Variants in APBA1 observed in about 807,000 individuals in gnomAD.
APBA1 encodes the protein amyloid beta precursor protein binding family A member 1, also known as amyloid-beta A4 precursor protein-binding family A member 1.
A neutral mutation model predicts 86.6 loss-of-function variants in APBA1; 55 were observed. The observed-to-expected ratio is 0.64, with a 90% CI of 0.51 to 0.80. APBA1 has a LOEUF of 0.80. Among genes scored for constraint, APBA1 ranks in the 30% least tolerant of loss-of-function variants. The pLI is 0.00. For synonymous variants in APBA1, 511 were observed against 493.9 expected (o/e 1.03, Z -0.46); for missense variants, 1,090 against 1,183.0 (o/e 0.92, Z 1.15).
At chr9:69,632,971 C>G (rs79868315) in intron 1 of APBA1, among the ~76,000 whole-genome samples, 19 of 151,810 alleles carry the variant, frequency 1.3e-4, no homozygotes, top group Non-Finnish European at 2.6e-4. Context: ...TCCTCTAGCT[C>G]CCCCCCTGCT....
chr9:69,542,730 A>T (rs4744910), intron 1 of APBA1, among the ~76,000 whole-genome samples: 20,876 of 152,252 alleles, frequency 0.14, 1,755 homozygotes, highest in East Asian at 0.29. Flanking sequence ...AAATTATAGA[A>T]TTTTAATTAT....
chr9:69,512,876 A>G (rs1459880354), intron 2 of APBA1, among the ~76,000 whole-genome samples: 3 of 152,186 alleles, frequency 2.0e-5, no homozygotes, highest in Non-Finnish European at 2.9e-5. Context: ...CATGGTTTTA[A>G]AACACCTTTC....
intron 1 of APBA1, among the ~76,000 whole-genome samples, chr9:69,659,163 G>T (rs1230044868): frequency 6.6e-6 from 1 of 152,086 alleles, no homozygotes; most frequent in Non-Finnish European, 1.5e-5. Context: ...AGACCTTCTG[G>T]CCAGCTTCAG....
chr9:69,467,918 C>T lies in APBA1; in HGVS notation c.1387G>A (p.Ala463Thr), dbSNP rs561593212. 1.7e-5 allele frequency: 28 copies of T among 1,614,042 alleles called. No individual in the cohort carries two copies. The highest frequency in any genetic ancestry group is 1.3e-4 in the Admixed American group (8 of 60,018). ...AGCTGAGTGGAGCCAAGGTAATTGG[C>T]GGCAAAAATGATTCCATCGATCAAG... ...EDLIDGIIFA[A>T]NYLGSTQLLS... Residue 463 changes from alanine (A) to threonine (T), a missense_variant, in exon 5 of 13, where the codon GCC becomes ACC. Around this residue, in one of 6 missense-constraint regions of APBA1, gnomAD observed 76 missense variants for 122.2 expected, o/e 0.62. Coordinates refer to ENST00000265381, the MANE Select transcript of APBA1 (RefSeq NM_001163.4).
intron 2 of APBA1, among the ~76,000 whole-genome samples, chr9:69,505,343 G>A (rs111786173): frequency 1.1e-4 from 16 of 152,132 alleles, no homozygotes; most frequent in African/African-American, 3.6e-4. Flanking sequence ...CAGGGCTCAC[G>A]TTTCCCTGGC....
intron 9 of APBA1, among the ~76,000 whole-genome samples, chr9:69,450,056 G>T (rs989864301): frequency 4.5e-4 from 42 of 94,130 alleles, no homozygotes; most frequent in African/African-American, 1.5e-3. Flanking sequence ...AGGACCACCA[G>T]TTTTTTTTTT....
At chr9:69,551,740 G>A (rs1332434789) in intron 1 of APBA1, among the ~76,000 whole-genome samples, 1 of 152,128 alleles carries the variant, frequency 6.6e-6, no homozygotes, top group Non-Finnish European at 1.5e-5. Context: ...GGAGTTTGAA[G>A]GCAAGGAGAA....
At chr9:69,607,686 TAAAATA>T (rs1232500226) in intron 1 of APBA1, among the ~76,000 whole-genome samples, 1 of 152,194 alleles carries the variant, frequency 6.6e-6, no homozygotes, top group African/African-American at 2.4e-5. Context: ...CTTACTAAAG[TAAAATA>T]TTAATGGGCA....
At chr9:69,521,637 A>G (rs1836253779) in intron 1 of APBA1, among the ~76,000 whole-genome samples, 1 of 152,226 alleles carries the variant, frequency 6.6e-6, no homozygotes. Context: ...TACAAAACAG[A>G]GTAACGCCAT....
intron 2 of APBA1, among the ~76,000 whole-genome samples, 180 bp from the exon 3 acceptor site, chr9:69,476,323 CTTTCTT>C (rs1235277211): frequency 6.6e-6 from 1 of 152,074 alleles, no homozygotes; most frequent in Non-Finnish European, 1.5e-5. Flanking sequence ...GGTTTTCAAG[CTTTCTT>C]TTTCAAGTCC....
chr9:69,503,975 G>C (rs1269346045), intron 2 of APBA1, among the ~76,000 whole-genome samples: 6 of 152,112 alleles, frequency 3.9e-5, no homozygotes. Flanking sequence ...TCCTGAGAAA[G>C]GGTGCATATG....
At chr9:69,562,983 C>T (rs566580366) in intron 1 of APBA1, among the ~76,000 whole-genome samples, 2 of 152,308 alleles carry the variant, frequency 1.3e-5, no homozygotes, top group South Asian at 4.1e-4. Context: ...ATTTAGCTTG[C>T]TTCTTTGGAA....
chr9:69,593,706 C>T (rs565607639), intron 1 of APBA1, among the ~76,000 whole-genome samples: 5 of 152,162 alleles, frequency 3.3e-5, no homozygotes, highest in Non-Finnish European at 5.9e-5. Context: ...CAAATGAGGT[C>T]AATTCTTTCA....
Position 69,636,484 on chromosome 9 carries a change from T to C in APBA1, c.-70+35669A>G, listed in dbSNP as rs191847373. Among the ~76,000 whole-genome samples the C allele has an allele frequency of 2.0e-5, 3 of 152,258 alleles. 1 individual carries two copies. Among genetic ancestry groups the C allele is most frequent in the Admixed American group, 2.0e-4 (3 of 15,288 alleles). On this transcript the variant is annotated intron_variant, in intron 1 of 12. Coordinates refer to ENST00000265381, the MANE Select transcript of APBA1 (RefSeq NM_001163.4). ...AGCACCATTCACAATAGTCAAGATCTGGAAGCAACTTACATGTCCATCAAC... is the reference window on the plus strand; with the variant it reads ...AGCACCATTCACAATAGTCAAGATCCGGAAGCAACTTACATGTCCATCAAC...
intron 1 of APBA1, among the ~76,000 whole-genome samples, chr9:69,579,565 T>C (rs2133955290): frequency 6.6e-6 from 1 of 152,300 alleles, no homozygotes; most frequent in Admixed American, 6.5e-5. Flanking sequence ...GACTTTGAGG[T>C]TATAAGAAAT....
intron 1 of APBA1, among the ~76,000 whole-genome samples, chr9:69,522,841 T>C (rs1312732928): frequency 1.3e-5 from 2 of 152,138 alleles, no homozygotes; most frequent in African/African-American, 2.4e-5. Flanking sequence ...CAGAGGCAAA[T>C]AGAGGAAGAG....
chr9:69,593,602 C>T (rs1822174101), intron 1 of APBA1, among the ~76,000 whole-genome samples: 1 of 152,168 alleles, frequency 6.6e-6, no homozygotes, highest in Non-Finnish European at 1.5e-5. Context: ...AAGTTGCCAG[C>T]ACATGCCTGA....
intron 1 of APBA1, among the ~76,000 whole-genome samples, chr9:69,575,906 C>A (rs1447550084): frequency 2.0e-5 from 3 of 152,160 alleles, no homozygotes; most frequent in Non-Finnish European, 4.4e-5. Flanking sequence ...AAATTACCAT[C>A]AGAGTGAACA....
chr9:69,497,366 C>G (rs565440283), intron 2 of APBA1, among the ~76,000 whole-genome samples: 1 of 151,996 alleles, frequency 6.6e-6, no homozygotes, highest in Non-Finnish European at 1.5e-5. Context: ...CACCAAGACC[C>G]CTTAACTCTG....
Sources: allele counts gnomAD v4.1 joint callset (sites outside exome capture counted in the v4.1 genomes callset), GRCh38; gene constraint gnomAD v4.1.1; regional missense constraint gnomAD v4.1.1; transcripts MANE v1.5; gene names NCBI Gene and HGNC (gene_info 2026-07-23, HGNC 2026-07-21).